PDE4B: variants seen among roughly 807,000 people sequenced by gnomAD.
PDE4B encodes phosphodiesterase 4B, also known as 3',5'-cyclic-AMP phosphodiesterase 4B.
A neutral mutation model predicts 82.2 loss-of-function variants in PDE4B; 20 were observed. The ratio of observed to expected loss-of-function variants is 0.24; its 90% confidence interval spans 0.17 to 0.35. The LOEUF (loss-of-function observed/expected upper bound fraction) is 0.35. Ranked by LOEUF, PDE4B falls within the 10% of genes least tolerant of loss-of-function variation. PDE4B has a pLI of 1.00. For missense variants in PDE4B, 655 were observed against 907.2 expected (o/e 0.72, Z 3.57); for synonymous variants, 320 against 318.9 (o/e 1.00, Z -0.04).
intron 7 of PDE4B, among the ~76,000 whole-genome samples, chr1:66,269,856 T>C (rs1448766389): frequency 6.6e-6 from 1 of 152,180 alleles, no homozygotes; most frequent in Non-Finnish European, 1.5e-5. Context: ...CACATCCGAG[T>C]CATGTAAATG....
At chr1:66,241,053 A>G (rs1570538673) in intron 3 of PDE4B, among the ~76,000 whole-genome samples, 1 of 152,252 alleles carries the variant, frequency 6.6e-6, no homozygotes, top group African/African-American at 2.4e-5. Flanking sequence ...TAATTTTCAA[A>G]GGCCCTGGAA....
rs750346541 is a variant in PDE4B at position 66,363,179 on chromosome 1, C to T, written c.1032C>T (p.Asp344=). 1.5e-5 allele frequency: 24 copies of T among 1,608,868 alleles called. No homozygotes were observed. Among genetic ancestry groups the T allele is most frequent in the Non-Finnish European group, 1.9e-5 (22 of 1,175,920 alleles). ...NEDHLAKELE[D]LNKWGLNIFN... is the part of the protein sequence containing the mutation. ...ATTTTTAATTATAGGAGCTGGAAGA[C>T]CTGAACAAATGGGGTCTTAACATCT... is the stretch of plus-strand genomic sequence containing the variant. The change falls in exon 11 of 17, where the codon GAC becomes GAT. Residue 344 remains aspartate (D), a synonymous_variant. Coordinates refer to ENST00000341517, the MANE Select transcript of PDE4B (RefSeq NM_002600.4).
chr1:66,350,178 G>A (rs1249100074), intron 8 of PDE4B, among the ~76,000 whole-genome samples: 1 of 151,884 alleles, frequency 6.6e-6, no homozygotes, highest in Non-Finnish European at 1.5e-5. Context: ...TTTAAGTTAT[G>A]ACTAACAAAG....
chr1:66,003,011 C>T (rs148484315), intron 3 of PDE4B, among the ~76,000 whole-genome samples: 145 of 152,168 alleles, frequency 9.5e-4, no homozygotes, highest in Non-Finnish European at 1.6e-3. Flanking sequence ...AATCTCTAAA[C>T]ATACACAAAC....
chr1:66,083,439 A>C (rs1284942802), intron 3 of PDE4B, among the ~76,000 whole-genome samples: 2 of 152,054 alleles, frequency 1.3e-5, no homozygotes, highest in Non-Finnish European at 2.9e-5. Context: ...CTAACCTTTG[A>C]GTGCTTAAGG....
At chr1:65,959,161 T>C (rs1479983681) in intron 3 of PDE4B, among the ~76,000 whole-genome samples, 1 of 152,228 alleles carries the variant, frequency 6.6e-6, no homozygotes, top group African/African-American at 2.4e-5. Context: ...GTGGACCTTG[T>C]CTATTTTTCA....
At chr1:66,020,757 A>G (rs1215586675) in intron 3 of PDE4B, among the ~76,000 whole-genome samples, 1 of 152,186 alleles carries the variant, frequency 6.6e-6, no homozygotes, top group African/African-American at 2.4e-5. Flanking sequence ...GCTATTGTGA[A>G]TAGTGCCACA....
intron 3 of PDE4B, among the ~76,000 whole-genome samples, chr1:66,070,927 T>C (rs1464503558): frequency 6.6e-6 from 1 of 152,082 alleles, no homozygotes; most frequent in Non-Finnish European, 1.5e-5. Flanking sequence ...ATCATTTTAT[T>C]GATTACAAAA....
chr1:66,164,559 A>AAAAAAG (rs1646684798), intron 3 of PDE4B, among the ~76,000 whole-genome samples: 5 of 125,072 alleles, frequency 4.0e-5, no homozygotes, highest in Non-Finnish European at 8.7e-5. Context: ...AAAAAAAAAA[A>AAAAAAG]AAAGAAAGAA....
At chr1:66,070,267 A>C (rs1457854849) in intron 3 of PDE4B, among the ~76,000 whole-genome samples, 1 of 151,948 alleles carries the variant, frequency 6.6e-6, no homozygotes, top group African/African-American at 2.4e-5. Context: ...CAGGAGAAAA[A>C]GGTCTGTTGA....
chr1:65,991,608 C>A (rs895748356), intron 3 of PDE4B, among the ~76,000 whole-genome samples: 2 of 152,124 alleles, frequency 1.3e-5, no homozygotes, highest in Non-Finnish European at 2.9e-5. Flanking sequence ...CTTCAAGCAC[C>A]ACTATATTGT....
intron 3 of PDE4B, among the ~76,000 whole-genome samples, chr1:66,146,553 C>T (rs1048621257): frequency 7.9e-5 from 12 of 152,038 alleles, no homozygotes; most frequent in Non-Finnish European, 1.8e-4. Context: ...AAACAGTTAC[C>T]ACTGTTGCAC....
intron 3 of PDE4B, among the ~76,000 whole-genome samples, chr1:66,203,254 G>A (rs938379882): frequency 2.0e-5 from 3 of 152,024 alleles, no homozygotes; most frequent in Non-Finnish European, 2.9e-5. Context: ...TGGGTAACCT[G>A]ACCTTTCTCT....
chr1:66,357,804 T>G (rs1384695211), intron 9 of PDE4B, among the ~76,000 whole-genome samples: 4 of 152,070 alleles, frequency 2.6e-5, no homozygotes, highest in Non-Finnish European at 5.9e-5. Flanking sequence ...ACTTGTAAAA[T>G]GGGAACACTG....
chr1:66,093,734 G>A (rs1268069711), intron 3 of PDE4B, among the ~76,000 whole-genome samples: 1 of 151,922 alleles, frequency 6.6e-6, no homozygotes, highest in East Asian at 1.9e-4. Flanking sequence ...ACTTTATTAA[G>A]TTATCTTTAA....
chr1:66,101,066 G>T (rs1645213634), intron 3 of PDE4B, among the ~76,000 whole-genome samples: 1 of 152,046 alleles, frequency 6.6e-6, no homozygotes, highest in Non-Finnish European at 1.5e-5. Flanking sequence ...CCACCTATGA[G>T]TGAGAACATG....
At chr1:66,147,658 A>G (rs565050173) in intron 3 of PDE4B, among the ~76,000 whole-genome samples, 1 of 152,328 alleles carries the variant, frequency 6.6e-6, no homozygotes, top group East Asian at 1.9e-4. Context: ...TCAGAATGGA[A>G]TGAGCAAATT....
intron 3 of PDE4B, among the ~76,000 whole-genome samples, chr1:66,154,679 A>G (rs1330699371): frequency 2.0e-5 from 3 of 152,252 alleles, no homozygotes; most frequent in Non-Finnish European, 4.4e-5. Context: ...ACATGCTCCA[A>G]TTACAAAAGC....
intron 1 of PDE4B, among the ~76,000 whole-genome samples, chr1:65,804,627 G>C (rs76639142): frequency 0.02 from 3,114 of 152,044 alleles, 122 homozygotes; most frequent in African/African-American, 0.072. Flanking sequence ...GAAATGAAGA[G>C]GGGAATAGGG....
Sources: gnomAD v4.1 joint callset for allele counts (sites outside exome capture counted in the v4.1 genomes callset) on GRCh38, gnomAD v4.1.1 for gene constraint, MANE v1.5 for transcripts, NCBI Gene and HGNC (gene_info 2026-07-23, HGNC 2026-07-21) for gene names.